The following COL12A1 variants were observed in gnomAD, a reference collection of about 807,000 sequenced individuals.
COL12A1 encodes the protein collagen alpha-1(XII) chain.
A neutral mutation model predicts 349.7 loss-of-function variants in COL12A1; 114 were observed. That is an observed-to-expected ratio of 0.33 (90% confidence interval 0.28 to 0.38). The LOEUF is 0.38. Among genes scored for constraint, COL12A1 ranks in the 10% least tolerant of loss-of-function variants. The probability of loss-of-function intolerance (pLI) is 1.00; values close to 1 mark genes in which losing one functional copy is unlikely to be tolerated. For synonymous variants in COL12A1, 1,369 were observed against 1,329.0 expected, an observed-to-expected ratio of 1.03 and a Z score of -0.66; for missense variants, 3,284 against 3,756.9, an observed-to-expected ratio of 0.87 and a Z score of 3.29.
intron 13 of COL12A1, among the ~76,000 whole-genome samples, chr6:75,172,626 TTTC>T (rs1279866622): frequency 1.3e-5 from 2 of 152,228 alleles, no homozygotes; most frequent in African/African-American, 4.8e-5. Flanking sequence ...AAAGGACAAA[TTTC>T]TCCAAAATTC....
chr6:75,146,902 A>G (rs1582130319), intron 23 of COL12A1, among the ~76,000 whole-genome samples: 1 of 152,248 alleles, frequency 6.6e-6, no homozygotes, highest in African/African-American at 2.4e-5. Flanking sequence ...AGAGATAAGG[A>G]TCTAAAACTT....
chr6:75,156,144 T>C, intron 15 of COL12A1, 113 bp downstream of exon 15: 1 of 1,305,672 alleles, frequency 7.7e-7, no homozygotes, highest in Non-Finnish European at 1.1e-6. Context: ...GTAATTATAA[T>C]TTAACTTATT....
chr6:75,148,351 T>C lies in COL12A1; in HGVS notation c.4287+7A>G, dbSNP rs1767305612. 1 of 1,611,102 alleles carries C rather than the reference T, an allele frequency of 6.2e-7. No homozygotes were observed. Among genetic ancestry groups the C allele is most frequent in the Non-Finnish European group, 8.5e-7 (1 of 1,178,432 alleles). On this transcript the variant is annotated splice_region_variant and intron_variant, in intron 22 of 65. Coordinates refer to ENST00000322507, the MANE Select transcript of COL12A1 (RefSeq NM_004370.6). ...GGAAGAAGTAAGTTATAGGTGTTCC[T>C]ACTCACTTCTTGACGTTTCCCTCCA...
Position 75,146,201 on chromosome 6 carries a change from A to G in COL12A1, c.4461T>C (p.Pro1487=). ...VVSLNIYDVG[P]TTMHVQWQPV... ...GCTGCCACTGCACATGCATGGTGGTAGGGCCAACATCATAAATATTCAGGC... is the reference window on the plus strand; with the variant it reads ...GCTGCCACTGCACATGCATGGTGGTGGGGCCAACATCATAAATATTCAGGC... Residue 1487 remains proline (P), a synonymous_variant, in exon 24 of 66, where the codon CCT becomes CCC. Transcript: ENST00000322507. 6.2e-7 allele frequency: 1 copy of G among 1,613,090 alleles called. No individual in the cohort carries two copies. Among genetic ancestry groups the G allele is most frequent in the South Asian group, 1.1e-5 (1 of 90,894 alleles).
In COL12A1 at chr6:75,154,435, A is replaced by G. The variant is rs1460156210; in HGVS notation, c.3546T>C (p.Val1182=). 6.2e-7 allele frequency: 1 copy of G among 1,612,030 alleles called. No individual in the cohort carries two copies. Among genetic ancestry groups the G allele is most frequent in the Non-Finnish European group, 8.5e-7 (1 of 1,178,844 alleles). ...TCTTACCAGAAGATAAAATTGGCAT[A>G]ACAGTTGTGTCGGAAAGGGTTGTCA... The part of the protein sequence containing the change: ...QEMTTLSDTT[V]MPILSSGMEC... Residue 1182 remains valine (V), a synonymous_variant, in exon 17 of 66, where the codon GTT becomes GTC. Transcript: ENST00000322507.
At chr6:75,192,843 A>G (rs1036059035) in intron 3 of COL12A1, among the ~76,000 whole-genome samples, 3 of 152,148 alleles carry the variant, frequency 2.0e-5, no homozygotes, top group African/African-American at 7.2e-5. Context: ...GAAGCAGTGC[A>G]TATTCCATAC....
intron 26 of COL12A1, among the ~76,000 whole-genome samples, chr6:75,142,624 A>G (rs1766957731): frequency 6.6e-6 from 1 of 152,238 alleles, no homozygotes; most frequent in South Asian, 2.1e-4. Context: ...GACCAGCAGA[A>G]CCAGTCACTG....
chr6:75,132,566 G>A (rs1018927007), intron 34 of COL12A1, among the ~76,000 whole-genome samples: 5 of 152,078 alleles, frequency 3.3e-5, no homozygotes, highest in Non-Finnish European at 7.4e-5. Flanking sequence ...AATAGAAAAG[G>A]TAAAAGGAGA....
rs1178618955 is a variant in COL12A1, at chr6:75,085,389, A to G, written c.*1158T>C. On this transcript the variant is annotated 3_prime_UTR_variant, in exon 66 of 66. Transcript: ENST00000322507. ...CTCTGTCCGATTCAACATTACAATTATGGCATGATTTGGAAGGCACACACA... is the reference window on the plus strand; with the variant it reads ...CTCTGTCCGATTCAACATTACAATTGTGGCATGATTTGGAAGGCACACACA... The G allele has an allele frequency of 2.2e-6, 1 of 449,780 alleles. No individual in the cohort carries two copies. Among genetic ancestry groups the G allele is most frequent in the Non-Finnish European group, 4.6e-6 (1 of 219,744 alleles). 27.9% of individuals were successfully genotyped at this position (449,780 alleles called of 1,614,324 possible). A position where few individuals can be genotyped will look rare whatever the true frequency, so the allele number is the denominator to read the frequency against.
At chr6:75,111,091 T>C (rs1768817027) in intron 51 of COL12A1, among the ~76,000 whole-genome samples, 1 of 151,918 alleles carries the variant, frequency 6.6e-6, no homozygotes, top group Non-Finnish European at 1.5e-5. Context: ...CATTTCACAA[T>C]GTATGTGTAT....
In COL12A1 at chr6:75,090,465, C is replaced by T. The variant is rs1056970348; in HGVS notation, c.8753-167G>A. On this transcript the variant is annotated intron_variant, in intron 62 of 65. Transcript: ENST00000322507. This position sits in a 1 kb window ranked among gnomAD's most constrained non-coding sequence, Gnocchi z 4.1. ...AATAAAATTAAGACAGTCTAATCAT[C>T]GAGGACAAAATGGTCCCTGATAAAT... is the stretch of plus-strand genomic sequence containing the variant. Among the ~76,000 whole-genome samples, 10 of 152,092 alleles carry T rather than the reference C, an allele frequency of 6.6e-5. No homozygotes were observed. Among genetic ancestry groups the T allele is most frequent in the Admixed American group, 3.9e-4 (6 of 15,268 alleles).
chr6:75,173,307 CT>C (rs962593560), intron 13 of COL12A1, among the ~76,000 whole-genome samples: 1 of 152,094 alleles, frequency 6.6e-6, no homozygotes, highest in African/African-American at 2.4e-5. Flanking sequence ...GGTATTTAAT[CT>C]TTCATTTAAA....
intron 64 of COL12A1, 97 bp from the exon 65 acceptor site, chr6:75,087,844 A>G (rs1767580157): frequency 8.0e-7 from 1 of 1,247,634 alleles, no homozygotes; most frequent in East Asian, 2.4e-5. Flanking sequence ...CTGTCTCAAA[A>G]TTAGACAATT....
At chr6:75,160,621 G>T (rs1440544442) in intron 14 of COL12A1, among the ~76,000 whole-genome samples, 1 of 152,096 alleles carries the variant, frequency 6.6e-6, no homozygotes, top group Non-Finnish European at 1.5e-5. Flanking sequence ...GTCGCCCTTT[G>T]GTATCCATGG....
At chr6:75,091,811 C>G (rs1218666484) in intron 60 of COL12A1, among the ~76,000 whole-genome samples, 1 of 151,820 alleles carries the variant, frequency 6.6e-6, no homozygotes, top group African/African-American at 2.4e-5. Flanking sequence ...ACCATGCACA[C>G]TTTTTACAAT....
intron 1 of COL12A1, among the ~76,000 whole-genome samples, chr6:75,204,796 A>G (rs960539110): frequency 2.0e-5 from 3 of 151,944 alleles, no homozygotes; most frequent in Non-Finnish European, 4.4e-5. Context: ...ACACACACAC[A>G]CACACCGCGT....
chr6:75,089,092 A>G lies in COL12A1; in HGVS notation c.9010+14T>C. On this transcript the variant is annotated intron_variant, in intron 64 of 65. Coordinates refer to ENST00000322507, the MANE Select transcript of COL12A1 (RefSeq NM_004370.6). ...TTTATAGTCTTTGCCTGTTTAAAATACTAGCAAACCTACCTGGGGGGCCAG... is the reference window on the plus strand; with the variant it reads ...TTTATAGTCTTTGCCTGTTTAAAATGCTAGCAAACCTACCTGGGGGGCCAG... 3 of 1,600,558 alleles carry G rather than the reference A, an allele frequency of 1.9e-6. 1 individual carries two copies. The highest frequency in any genetic ancestry group is 2.6e-6 in the Non-Finnish European group (3 of 1,170,446).
At chr6:75,198,612 T>A (rs1279470543) in intron 2 of COL12A1, among the ~76,000 whole-genome samples, 1 of 152,090 alleles carries the variant, frequency 6.6e-6, no homozygotes, top group African/African-American at 2.4e-5. Flanking sequence ...AAAACTAAAG[T>A]GTCCATCTTG....
At chr6:75,123,453 AT>A in intron 42 of COL12A1, 49 bp from the exon 43 acceptor site, 2 of 1,400,104 alleles carry the variant, frequency 1.4e-6, no homozygotes, top group African/African-American at 2.9e-5. Context: ...TGCACATTTG[AT>A]ATCCCAGAAA....
Sources: allele counts gnomAD v4.1 joint callset (sites outside exome capture counted in the v4.1 genomes callset), GRCh38; gene constraint gnomAD v4.1.1; non-coding constraint Gnocchi (gnomAD v3.1); transcripts MANE v1.5; gene names NCBI Gene and HGNC (gene_info 2026-07-23, HGNC 2026-07-21).